LMBR1L: variants seen among roughly 807,000 people sequenced by gnomAD.
LMBR1L encodes the protein protein LMBR1L.
Under a neutral mutation model 67.3 loss-of-function variants are expected in LMBR1L, and 47 were observed. The observed-to-expected ratio is 0.70, with a 90% CI of 0.55 to 0.89. The LOEUF is 0.89. Ranked by LOEUF, LMBR1L falls within the 40% of genes least tolerant of loss-of-function variation. LMBR1L has a pLI of 0.00. For synonymous variants in LMBR1L, 247 were observed against 250.3 expected (o/e 0.99, Z 0.13); for missense variants, 533 against 599.2 (o/e 0.89, Z 1.15).
chr12:49,102,917 G>A lies in LMBR1L; in HGVS notation c.666C>T (p.Ser222=), dbSNP rs368301988. 92 of 1,614,006 alleles carry A rather than the reference G, an allele frequency of 5.7e-5. No individual in the cohort carries two copies. The highest frequency in any genetic ancestry group is 1.9e-4 in the African/African-American group (14 of 74,906). The change falls in exon 8 of 17, where the codon TCC becomes TCT. Residue 222 remains serine, a synonymous_variant. Coordinates refer to ENST00000267102, the MANE Select transcript of LMBR1L (RefSeq NM_018113.4). ...GCTTGACTAGCAGCTTCCCAGTGACGGAGAACATGCGGGCGAGACCCAGTG... is the reference window on the plus strand; with the variant it reads ...GCTTGACTAGCAGCTTCCCAGTGACAGAGAACATGCGGGCGAGACCCAGTG... ...CTPLGLARMF[S]VTGKLLVKPR... is the part of the protein sequence containing the mutation.
chr12:49,102,123 C>T lies in LMBR1L; in HGVS notation c.927G>A (p.Leu309=). The change falls in exon 11 of 17, where the codon CTG becomes CTA. Residue 309 remains leucine (L), a synonymous_variant. Transcript: ENST00000267102. The stretch of plus-strand genomic sequence containing the variant: ...CCTCTAGGGCTGGTATACCTACCGT[C>T]AGCACCAGCAAGCACAGCATAGCCA... The part of the protein sequence containing the change: ...YPLAMLCLLV[L]TGLSVLIVAI... 1 of 1,613,974 alleles carries T rather than the reference C, an allele frequency of 6.2e-7. No individual in the cohort carries two copies. Among genetic ancestry groups the T allele is most frequent in the Non-Finnish European group, 8.5e-7 (1 of 1,179,842 alleles).
chr12:49,104,716 T>C (rs1940671884), intron 4 of LMBR1L, 30 bp downstream of exon 4: 1 of 1,612,292 alleles, frequency 6.2e-7, no homozygotes, highest in Non-Finnish European at 8.5e-7. Flanking sequence ...TCCCTATCCC[T>C]ACCCCAAGCA....
intron 15 of LMBR1L, among the ~76,000 whole-genome samples, chr12:49,099,341 G>T (rs1054420568): frequency 6.6e-6 from 1 of 151,552 alleles, no homozygotes; most frequent in Non-Finnish European, 1.5e-5. Flanking sequence ...TAAAGATGGG[G>T]TTTCACCATG....
intron 1 of LMBR1L, chr12:49,109,878 C>A (rs1941339158): frequency 2.5e-6 from 1 of 402,418 alleles, no homozygotes; most frequent in Non-Finnish European, 4.9e-6. Context: ...GCTGGGAACC[C>A]AGCCTTGCAG....
In LMBR1L at chr12:49,097,710, C is replaced by T. The variant is rs141299860; in HGVS notation, c.1432G>A (p.Gly478Ser). Residue 478 changes from glycine (G) to serine (S), a missense_variant, in exon 17 of 17, where the codon GGT becomes AGT. This residue lies in a region of LMBR1L where 223 missense variants were observed against 241.2 expected (regional missense o/e 0.92). Coordinates refer to ENST00000267102, the MANE Select transcript of LMBR1L (RefSeq NM_018113.4). Reference protein sequence around the residue: ...GLDRLPLPVSGFPQASRKTQH... With the variant: ...GLDRLPLPVSSFPQASRKTQH... ...GTCTTCCTAGATGCCTGGGGGAAACCGGAGACGGGCAGCGGCAGTCTGTCC... is the reference window on the plus strand; with the variant it reads ...GTCTTCCTAGATGCCTGGGGGAAACTGGAGACGGGCAGCGGCAGTCTGTCC... The T allele has an allele frequency of 9.5e-5, 154 of 1,613,850 alleles. No homozygotes were observed. In the African/African-American group the frequency reaches 1.7e-3, roughly 17 times the overall value.
At chr12:49,101,800 T>G (rs1305958322) in intron 11 of LMBR1L, 8 of 580,548 alleles carry the variant, frequency 1.4e-5, no homozygotes, top group Non-Finnish European at 1.8e-5. Flanking sequence ...TTCCTTCAAC[T>G]GATGAGATCT....
rs1940348333 is a variant in LMBR1L, at chr12:49,102,613, C to A, written c.697-73G>T. 1.0e-5 allele frequency: 15 copies of A among 1,455,976 alleles called. No individual in the cohort carries two copies. In the East Asian group the frequency reaches 3.4e-4, roughly 33 times the overall value. The allele number at this position is 1,455,976 out of a possible 1,614,324, so 90.2% of individuals were successfully genotyped here. A position where few individuals can be genotyped will look rare whatever the true frequency, so the allele number is the denominator to read the frequency against. On this transcript the variant is annotated intron_variant, in intron 8 of 16. Coordinates refer to ENST00000267102, the MANE Select transcript of LMBR1L (RefSeq NM_018113.4). ...CCAAAGGCCCCAGGAGAACCCTGTT[C>A]TTCCCAGGGCTCCGTAGTCCCAGGC...
At chr12:49,100,276 A>C (rs1446893308) in intron 15 of LMBR1L, 112 bp downstream of exon 15, 4 of 840,966 alleles carry the variant, frequency 4.8e-6, no homozygotes, top group Non-Finnish European at 8.2e-6. Flanking sequence ...GATAATACCT[A>C]CTCATGGGTT....
At chr12:49,105,152 G>A in intron 3 of LMBR1L, 1 of 463,066 alleles carries the variant, frequency 2.2e-6, no homozygotes, top group Non-Finnish European at 3.9e-6. Context: ...TACCCAGGCT[G>A]TCCCCAGGAA....
rs796827042 is a variant in LMBR1L, at chr12:49,101,300, G to A, written c.1032C>T (p.Ser344=). 2 of 1,614,194 alleles carry A rather than the reference G, an allele frequency of 1.2e-6. No homozygotes were observed. ...GMQGTSLGQV[S]FSKLGSFGAV... ...CACCAAAGGAGCCCAGCTTGGAGAA[G>A]GAGACCTGGCCTAAGGAGGTACCCT... Residue 344 remains serine, a synonymous_variant, in exon 13 of 17, where the codon TCC becomes TCT. Transcript: ENST00000267102.
At chr12:49,109,946 T>C (rs1941349538) in intron 1 of LMBR1L, 4 of 427,252 alleles carry the variant, frequency 9.4e-6, no homozygotes, top group African/African-American at 8.3e-5. Flanking sequence ...TGGTTGTTCC[T>C]CATCTCTACA....
chr12:49,104,662 G>T, intron 4 of LMBR1L, 84 bp downstream of exon 4: 1 of 1,589,504 alleles, frequency 6.3e-7, no homozygotes, highest in Non-Finnish European at 8.6e-7. Context: ...ATGACTGCTT[G>T]GCGCACGGCT....
chr12:49,107,848 G>A (rs1355156186), intron 1 of LMBR1L, among the ~76,000 whole-genome samples: 4 of 152,204 alleles, frequency 2.6e-5, no homozygotes, highest in African/African-American at 4.8e-5. Context: ...GAGAGTCTCC[G>A]CCAGGCACTG....
At chr12:49,110,178 A>C (rs1372751956) in intron 1 of LMBR1L, 1 of 543,698 alleles carries the variant, frequency 1.8e-6, no homozygotes, top group East Asian at 4.0e-5. Flanking sequence ...CAGACTCCGC[A>C]GGCTCTCAGA....
In LMBR1L at chr12:49,104,857, T is replaced by C. The variant is rs770211949; in HGVS notation, c.220A>G (p.Ile74Val). The change falls in exon 4 of 17, where the codon ATT becomes GTT. Residue 74 changes from isoleucine to valine, a missense_variant. This residue lies in a region of LMBR1L where 246 missense variants were observed against 249.0 expected (regional missense o/e 0.99). Coordinates refer to ENST00000267102, the MANE Select transcript of LMBR1L (RefSeq NM_018113.4). Reference sequence around the variant, plus strand: ...AGGAGCAGGACAGCACCCAGGGCAATTGCCAGGGTAAAGGTGCACAGCTCG... The same window carrying C: ...AGGAGCAGGACAGCACCCAGGGCAACTGCCAGGGTAAAGGTGCACAGCTCG... ...ALELCTFTLA[I>V]ALGAVLLLPF... 1.2e-6 allele frequency: 2 copies of C among 1,613,278 alleles called. No homozygotes were observed. Among genetic ancestry groups the C allele is most frequent in the Admixed American group, 1.7e-5 (1 of 59,960 alleles).
intron 1 of LMBR1L, among the ~76,000 whole-genome samples, chr12:49,107,329 G>T (rs1365810103): frequency 6.6e-6 from 1 of 152,232 alleles, no homozygotes; most frequent in East Asian, 1.9e-4. Flanking sequence ...AATAGCTTCA[G>T]CCCAACTCTG....
At chr12:49,103,991 C>T (rs934668644) in intron 5 of LMBR1L, 178 bp from the exon 6 acceptor site, 3 of 606,296 alleles carry the variant, frequency 4.9e-6, no homozygotes, top group African/African-American at 3.7e-5. Context: ...GGTCACCCCA[C>T]ATACCAGGTG....
chr12:49,105,611 T>TCC (rs1333651999), intron 3 of LMBR1L, among the ~76,000 whole-genome samples: 5 of 152,096 alleles, frequency 3.3e-5, no homozygotes, highest in Admixed American at 6.5e-5. Flanking sequence ...TCAATGTGCA[T>TCC]CCCCACTCCA....
chr12:49,104,017 T>G, intron 5 of LMBR1L: 1 of 557,834 alleles, frequency 1.8e-6, no homozygotes, highest in Non-Finnish European at 3.1e-6. Context: ...CATTTGCATC[T>G]CCTTTCCCCA....
Sources: gnomAD v4.1 joint callset for allele counts (sites outside exome capture counted in the v4.1 genomes callset) on GRCh38, gnomAD v4.1.1 for gene constraint, gnomAD v4.1.1 regional missense constraint, MANE v1.5 for transcripts, NCBI Gene and HGNC (gene_info 2026-07-23, HGNC 2026-07-21) for gene names.